Variants in ARNT observed in about 807,000 individuals in gnomAD.
The protein encoded by ARNT is aryl hydrocarbon receptor nuclear translocator.
A neutral mutation model predicts 105.0 loss-of-function variants in ARNT; 30 were observed. The ratio of observed to expected loss-of-function variants is 0.29; its 90% CI spans 0.21 to 0.39. The LOEUF (loss-of-function observed/expected upper bound fraction) is 0.39. Ranked by LOEUF, ARNT falls within the 10% of genes least tolerant of loss-of-function variation. ARNT has a pLI of 1.00. For synonymous variants in ARNT, 304 were observed against 344.0 expected, an observed-to-expected ratio of 0.88 and a Z score of 1.29; for missense variants, 748 against 978.7, an observed-to-expected ratio of 0.76 and a Z score of 3.15.
chr1:150,830,434 A>T (rs1659160270), intron 10 of ARNT: 1 of 154,188 alleles, frequency 6.5e-6, no homozygotes, highest in African/African-American at 2.4e-5. Flanking sequence ...ATGATAAATA[A>T]GAATAAACAA....
At position 150,842,525 on chromosome 1, in the gene ARNT, G is replaced by C. The variant is rs3738482; in HGVS notation, c.228-57C>G. ...TTAAAATAAAAAAGAAGGAAGGAAG[G>C]GGGGAGGGAGGAAGGGAAAAAAGGA... On this transcript the variant is annotated intron_variant, in intron 4 of 21. Coordinates refer to ENST00000358595, the MANE Select transcript of ARNT (RefSeq NM_001668.4). 254 of 1,512,694 alleles carry C rather than the reference G, an allele frequency of 1.7e-4. No individual in the cohort carries two copies. The African/African-American group carries it at 2.4e-3, about 14-fold the overall frequency. 93.7% of individuals were successfully genotyped at this position (1,512,694 alleles called of 1,614,324 possible).
chr1:150,839,677 C>T, intron 5 of ARNT, 23 bp from the exon 6 acceptor site: 1 of 1,602,430 alleles, frequency 6.2e-7, no homozygotes, highest in Non-Finnish European at 8.5e-7. Flanking sequence ...AAAGAGAAGC[C>T]CCATCCAGGT....
intron 1 of ARNT, among the ~76,000 whole-genome samples, chr1:150,869,416 G>A (rs1373628700): frequency 1.3e-5 from 2 of 152,090 alleles, no homozygotes; most frequent in Non-Finnish European, 2.9e-5. Context: ...GGCGGAGCTT[G>A]CAGTGAGCTG....
rs1553199486 is a variant in ARNT, at chr1:150,811,456, G to GTGCA, written c.*564_*565insTGCA. 5 of 92,384 alleles carry GTGCA rather than the reference G, an allele frequency of 5.4e-5. No individual in the cohort carries two copies. Among genetic ancestry groups the GTGCA allele is most frequent in the Admixed American group, 5.2e-4 (2 of 3,814 alleles). 5.7% of individuals were successfully genotyped at this position (92,384 alleles called of 1,614,324 possible). The stretch of plus-strand genomic sequence containing the variant: ...AAGAGTGAAATACAGAAGCATGTGT[G>GTGCA]CGCACACACACACACACACACATAC... On this transcript the variant is annotated 3_prime_UTR_variant, in exon 22 of 22. Coordinates refer to ENST00000358595, the MANE Select transcript of ARNT (RefSeq NM_001668.4).
chr1:150,838,121 C>T (rs778619170), intron 6 of ARNT, among the ~76,000 whole-genome samples: 2 of 152,140 alleles, frequency 1.3e-5, no homozygotes, highest in African/African-American at 2.4e-5. Context: ...AATCTAAATT[C>T]TTTAACACCT....
chr1:150,817,536 G>A (rs968978954), intron 15 of ARNT, 103 bp from the exon 16 acceptor site: 1 of 1,109,708 alleles, frequency 9.0e-7, no homozygotes, highest in Non-Finnish European at 1.3e-6. Flanking sequence ...GGCCGGGCAT[G>A]GTGGCTCATG....
chr1:150,824,316 T>C (rs75007096), intron 13 of ARNT, among the ~76,000 whole-genome samples: 43 of 152,038 alleles, frequency 2.8e-4, no homozygotes, highest in African/African-American at 1.0e-3. Flanking sequence ...CCTTGGGAAA[T>C]CCATTAAAGA....
rs35883279 is a variant in ARNT, at chr1:150,839,301, A to G, written c.486+140T>C. On this transcript the variant is annotated intron_variant, in intron 6 of 21. Transcript: ENST00000358595. The stretch of plus-strand genomic sequence containing the variant: ...ACTTCTCATTGTCCCAATGCTAATT[A>G]ATGTTATAGCCAAGGATTGAAATTC... The G allele has an allele frequency of 3.8e-5, 28 of 732,460 alleles. No individual in the cohort carries two copies. The African/African-American group carries it at 4.6e-4, about 12-fold the overall frequency. 45.4% of individuals were successfully genotyped at this position (732,460 alleles called of 1,614,324 possible).
intron 3 of ARNT, among the ~76,000 whole-genome samples, chr1:150,849,021 T>C (rs1418372902): frequency 6.6e-6 from 1 of 151,990 alleles, no homozygotes; most frequent in Non-Finnish European, 1.5e-5. Context: ...CTGACCAACA[T>C]GGAGAAACCC....
chr1:150,869,779 C>A (rs1667171498), intron 1 of ARNT, among the ~76,000 whole-genome samples: 1 of 151,964 alleles, frequency 6.6e-6, no homozygotes, highest in Non-Finnish European at 1.5e-5. Context: ...TCTCCAACTC[C>A]TGGGCTTAAA....
intron 1 of ARNT, among the ~76,000 whole-genome samples, chr1:150,874,486 T>C (rs587673938): frequency 6.6e-6 from 1 of 152,248 alleles, no homozygotes; most frequent in African/African-American, 2.4e-5. Context: ...GAGATCAAGA[T>C]CAGCATGGGC....
Position 150,834,523 on chromosome 1 carries a change from C to T in ARNT, c.803+15G>A. ...CCTTCCTATACCAAATCACAATCCT[C>T]AGCTTGACACTCACCTCATTCGGCA... On this transcript the variant is annotated intron_variant, in intron 8 of 21. Transcript: ENST00000358595. The T allele has an allele frequency of 6.2e-7, 1 of 1,611,612 alleles. No individual in the cohort carries two copies. Among genetic ancestry groups the T allele is most frequent in the Non-Finnish European group, 8.5e-7 (1 of 1,177,858 alleles).
chr1:150,871,604 G>A (rs1667445272), intron 1 of ARNT, among the ~76,000 whole-genome samples: 1 of 149,034 alleles, frequency 6.7e-6, no homozygotes, highest in Non-Finnish European at 1.5e-5. Context: ...CCCGGCCAAG[G>A]CAGCATTCTT....
chr1:150,830,010 C>CGG (rs1184361249), intron 10 of ARNT, 30 bp from the exon 11 acceptor site: 1 of 1,611,250 alleles, frequency 6.2e-7, no homozygotes, highest in African/African-American at 1.3e-5. Flanking sequence ...AAAGGTTTAA[C>CGG]GGGGACCTCC....
At chr1:150,850,500 T>A (rs587650195) in intron 3 of ARNT, among the ~76,000 whole-genome samples, 1 of 152,330 alleles carries the variant, frequency 6.6e-6, no homozygotes, top group East Asian at 1.9e-4. Context: ...GCCGGGCTGG[T>A]CTCCAGCTCC....
At chr1:150,832,292 G>GT (rs1557883875) in intron 9 of ARNT, 42 bp downstream of exon 9, 2 of 1,596,616 alleles carry the variant, frequency 1.3e-6, no homozygotes, top group South Asian at 2.2e-5. Context: ...ATCTCTGCAG[G>GT]TATTTGGCCA....
Position 150,856,531 on chromosome 1 carries a change from G to C in ARNT, c.137+1818C>G, listed in dbSNP as rs1000558776. Among the ~76,000 whole-genome samples, 22 of 152,318 alleles carry C rather than the reference G, an allele frequency of 1.4e-4. 1 individual carries two copies. The highest frequency in any genetic ancestry group is 1.4e-3 in the Admixed American group (22 of 15,308). Reference sequence around the variant, plus strand: ...TAATCCCAGCACTTTGGGAGGCCAAGGTGGGCATATCACCTGAGGTCAGGA... The same window carrying C: ...TAATCCCAGCACTTTGGGAGGCCAACGTGGGCATATCACCTGAGGTCAGGA... On this transcript the variant is annotated intron_variant, in intron 2 of 21. Coordinates refer to ENST00000358595, the MANE Select transcript of ARNT (RefSeq NM_001668.4).
At position 150,846,273 on chromosome 1, in the gene ARNT, G is replaced by A. The variant is rs769096175; in HGVS notation, c.217C>T (p.Arg73Trp). ...CTACTACAATATTACCTGGCAAACC[G>A]CTCCTTATCGTTAGACATCTGATCA... Reference protein sequence around the residue: ...DDDQMSNDKERFARSDDEQSS... With the variant: ...DDDQMSNDKEWFARSDDEQSS... The change falls in exon 4 of 22, where the codon CGG becomes TGG. Residue 73 changes from arginine (R) to tryptophan (W), a missense_variant. By Grantham distance (101) the Arg-to-Trp change is moderately radical. Coordinates refer to ENST00000358595, the MANE Select transcript of ARNT (RefSeq NM_001668.4). The A allele has an allele frequency of 1.1e-5, 18 of 1,613,040 alleles. No individual in the cohort carries two copies. The highest frequency in any genetic ancestry group is 2.2e-5 in the South Asian group (2 of 91,038).
At position 150,836,478 on chromosome 1, in the gene ARNT, T is replaced by A; in HGVS notation, c.502A>T (p.Ile168Phe). Residue 168 changes from isoleucine (I) to phenylalanine (F), a missense_variant, in exon 7 of 22, where the codon ATC becomes TTC. Physicochemically the swap from Ile to Phe is conservative, Grantham distance 21 (BLOSUM62 0). Coordinates refer to ENST00000358595, the MANE Select transcript of ARNT (RefSeq NM_001668.4). ...FLTDQELKHL[I>F]LEAADGFLFI... is the part of the protein sequence containing the mutation. ...AGAAAGCCATCTGCTGCCTCCAAGA[T>A]CAAATGTTTCAGTTCCTGCGCAAGA... 6.2e-7 allele frequency: 1 copy of A among 1,613,898 alleles called. No individual in the cohort carries two copies.
Sources: gnomAD v4.1 joint callset for allele counts (sites outside exome capture counted in the v4.1 genomes callset) on GRCh38, gnomAD v4.1.1 for gene constraint, MANE v1.5 for transcripts, NCBI Gene and HGNC (gene_info 2026-07-23, HGNC 2026-07-21) for gene names.